CALN1: variants seen among roughly 807,000 people sequenced by gnomAD.
CALN1 encodes calneuron 1, also known as calcium-binding protein 8.
Under a neutral mutation model 30.6 loss-of-function variants are expected in CALN1, and 17 were observed. The ratio of observed to expected loss-of-function variants is 0.56; its 90% CI spans 0.38 to 0.83. The LOEUF (loss-of-function observed/expected upper bound fraction) is 0.83. CALN1 is among the 40% of genes least tolerant of loss of function. The pLI, the probability that CALN1 is intolerant of heterozygous loss-of-function variation, is 0.00. For synonymous variants in CALN1, 156 were observed against 131.4 expected, an observed-to-expected ratio of 1.19 and a Z score of -1.28; for missense variants, 291 against 354.9, an observed-to-expected ratio of 0.82 and a Z score of 1.45.
At chr7:72,152,880 A>G (rs1464735439) in intron 3 of CALN1, among the ~76,000 whole-genome samples, 2 of 152,130 alleles carry the variant, frequency 1.3e-5, no homozygotes, top group Non-Finnish European at 2.9e-5. Context: ...GGAGAAGAAT[A>G]AACAACTCCA....
chr7:72,384,418 G>A (rs904186469), intron 2 of CALN1, among the ~76,000 whole-genome samples: 2 of 152,118 alleles, frequency 1.3e-5, no homozygotes. Flanking sequence ...AAAGAAGAGA[G>A]GAAGAAAATG....
chr7:72,307,619 G>A (rs1267341546), intron 2 of CALN1, among the ~76,000 whole-genome samples: 1 of 152,180 alleles, frequency 6.6e-6, no homozygotes, highest in African/African-American at 2.4e-5. Context: ...TGAGAGCTAC[G>A]CATATTCAAA....
At chr7:72,445,097 CACACACACAA>C (rs1386954918) in intron 1 of CALN1, among the ~76,000 whole-genome samples, 6 of 137,022 alleles carry the variant, frequency 4.4e-5, no homozygotes, top group Non-Finnish European at 8.1e-5. Flanking sequence ...CACACACACA[CACACACACAA>C]CATTAAGTTG....
chr7:72,396,192 T>G (rs1585654106), intron 2 of CALN1, among the ~76,000 whole-genome samples: 4 of 136,498 alleles, frequency 2.9e-5, no homozygotes, highest in Admixed American at 2.3e-4. Context: ...AAGTCAGGAG[T>G]TCGAGACCAG....
At chr7:72,276,612 G>T (rs997907019) in intron 3 of CALN1, among the ~76,000 whole-genome samples, 3 of 152,030 alleles carry the variant, frequency 2.0e-5, no homozygotes, top group Non-Finnish European at 2.9e-5. Context: ...CTCATGAATG[G>T]ATTAATGTCA....
At chr7:72,500,899 G>A in the CALN1 span, among the ~76,000 whole-genome samples, 1 of 151,822 alleles carries the variant, frequency 6.6e-6, no homozygotes, top group Non-Finnish European at 1.5e-5. Context: ...GTATAAGAAT[G>A]TTTACATAAA....
chr7:72,250,709 TCGC>T (rs1795494119), intron 3 of CALN1, among the ~76,000 whole-genome samples: 1 of 152,038 alleles, frequency 6.6e-6, no homozygotes, highest in Non-Finnish European at 1.5e-5. Flanking sequence ...GGCTGGCATC[TCGC>T]TTACTCCCCC....
At chr7:72,152,678 C>G (rs1052861128) in intron 3 of CALN1, among the ~76,000 whole-genome samples, 2 of 152,092 alleles carry the variant, frequency 1.3e-5, no homozygotes, top group African/African-American at 4.8e-5. Context: ...AAATTCAGGT[C>G]CTCAGACTTC....
Position 72,330,135 on chromosome 7 carries a change from A to G in CALN1, c.120-51325T>C, listed in dbSNP as rs1400577481. On this transcript the variant is annotated intron_variant, in intron 2 of 6. Coordinates refer to ENST00000395275, the MANE Select transcript of CALN1 (RefSeq NM_031468.4). ...TGGTGAAACCCCGTCTCTACTAAAA[A>G]TACAAAATTTATCTGGGCGTGGTGG... is the stretch of plus-strand genomic sequence containing the variant. 2.0e-5 allele frequency among the ~76,000 whole-genome samples: 3 copies of G among 151,984 alleles called. No individual in the cohort carries two copies. In the East Asian group the frequency reaches 5.8e-4, roughly 29 times the overall value.
chr7:71,938,988 A>G (rs765259516), intron 5 of CALN1, among the ~76,000 whole-genome samples: 28 of 152,078 alleles, frequency 1.8e-4, no homozygotes, highest in Non-Finnish European at 3.2e-4. Flanking sequence ...TGATTGAATG[A>G]TTGAATGAAT....
At chr7:72,131,115 C>T (rs950369098) in intron 3 of CALN1, among the ~76,000 whole-genome samples, 1 of 151,968 alleles carries the variant, frequency 6.6e-6, no homozygotes, top group Non-Finnish European at 1.5e-5. Flanking sequence ...TTAAAGCACT[C>T]GTGAAGGGGC....
intron 3 of CALN1, among the ~76,000 whole-genome samples, chr7:72,217,279 G>A (rs1046143091): frequency 6.6e-6 from 1 of 152,058 alleles, no homozygotes; most frequent in Non-Finnish European, 1.5e-5. Flanking sequence ...GTCCTAGGTA[G>A]CACAGCACTG....
intron 3 of CALN1, among the ~76,000 whole-genome samples, chr7:72,217,244 C>T (rs555573624): frequency 1.1e-4 from 16 of 152,152 alleles, no homozygotes; most frequent in African/African-American, 3.6e-4. Flanking sequence ...TTCCTGGAGA[C>T]CAAGCACACC....
chr7:72,080,290 C>T (rs764205624), intron 4 of CALN1, among the ~76,000 whole-genome samples: 1 of 152,180 alleles, frequency 6.6e-6, no homozygotes, highest in Admixed American at 6.5e-5. Flanking sequence ...TTAGCCTTAT[C>T]TTTGGGGAAG....
the CALN1 span, among the ~76,000 whole-genome samples, chr7:72,462,841 T>C: frequency 6.6e-6 from 1 of 152,176 alleles, no homozygotes; most frequent in Non-Finnish European, 1.5e-5. Context: ...GGGCACATAC[T>C]TTCCTCTAGC....
At chr7:72,302,570 C>T (rs1054961445) in intron 2 of CALN1, among the ~76,000 whole-genome samples, 1 of 151,974 alleles carries the variant, frequency 6.6e-6, no homozygotes, top group African/African-American at 2.4e-5. Context: ...TCCAGATTAG[C>T]CAGCATACCA....
chr7:72,233,902 G>A (rs1277221780), intron 3 of CALN1, among the ~76,000 whole-genome samples: 1 of 152,164 alleles, frequency 6.6e-6, no homozygotes, highest in Non-Finnish European at 1.5e-5. Context: ...TACTCAGGAG[G>A]CTGAGACAGG....
intron 3 of CALN1, among the ~76,000 whole-genome samples, chr7:72,224,256 A>C (rs1047450073): frequency 8.5e-5 from 13 of 152,174 alleles, no homozygotes; most frequent in Admixed American, 3.3e-4. Context: ...TGACTTTTTC[A>C]TTCACTAGAG....
chr7:72,006,242 T>C (rs2129528892), intron 5 of CALN1, among the ~76,000 whole-genome samples: 1 of 152,334 alleles, frequency 6.6e-6, no homozygotes, highest in African/African-American at 2.4e-5. Flanking sequence ...TAGTTTTTCC[T>C]TTGAATTTAA....
Sources: allele counts gnomAD v4.1 joint callset (sites outside exome capture counted in the v4.1 genomes callset), GRCh38; gene constraint gnomAD v4.1.1; transcripts MANE v1.5; gene names NCBI Gene and HGNC (gene_info 2026-07-23, HGNC 2026-07-21).